Variants in EYS observed in about 807,000 individuals in gnomAD.
The protein encoded by EYS is EGF-like photoreceptor maintenance factor.
Under a neutral mutation model 282.1 loss-of-function variants are expected in EYS, and 250 were observed. The ratio of observed to expected loss-of-function variants is 0.89; its 90% confidence interval spans 0.80 to 0.98. EYS has a LOEUF of 0.98. Among genes scored for constraint, EYS ranks in the 50% least tolerant of loss-of-function variants. The pLI is 0.00. For missense variants in EYS, 4,016 were observed against 3,709.0 expected, an observed-to-expected ratio of 1.08 and a Z score of -2.15; for synonymous variants, 1,355 against 1,282.9, an observed-to-expected ratio of 1.06 and a Z score of -1.20.
chr6:65,618,355 T>G (rs1483802515), intron 2 of EYS, among the ~76,000 whole-genome samples: 4 of 152,266 alleles, frequency 2.6e-5, no homozygotes, highest in African/African-American at 9.6e-5. Context: ...TGTCTTCTTT[T>G]GAGAAGTGTC....
intron 16 of EYS, among the ~76,000 whole-genome samples, chr6:64,910,808 T>C (rs1309546214): frequency 1.3e-5 from 2 of 152,038 alleles, no homozygotes; most frequent in Non-Finnish European, 2.9e-5. Flanking sequence ...AATATCACTA[T>C]ATTTTATAAA....
chr6:65,588,877 A>G (rs1424856088), intron 2 of EYS, among the ~76,000 whole-genome samples: 1 of 143,308 alleles, frequency 7.0e-6, no homozygotes, highest in African/African-American at 2.6e-5. Flanking sequence ...GGATATATAC[A>G]TCAGGCTTTC....
At chr6:65,313,748 C>T (rs999703522) in intron 11 of EYS, among the ~76,000 whole-genome samples, 1 of 152,206 alleles carries the variant, frequency 6.6e-6, no homozygotes, top group East Asian at 1.9e-4. Flanking sequence ...CTTGTAATTG[C>T]CTCCTAACTA....
intron 22 of EYS, among the ~76,000 whole-genome samples, chr6:64,794,213 G>C (rs1346819140): frequency 6.6e-6 from 1 of 152,126 alleles, no homozygotes; most frequent in Admixed American, 6.6e-5. Flanking sequence ...TTGAAATTAG[G>C]ATCTCAAAGA....
intron 2 of EYS, among the ~76,000 whole-genome samples, chr6:65,523,225 T>G (rs2127300067): frequency 6.6e-6 from 1 of 152,210 alleles, no homozygotes; most frequent in African/African-American, 2.4e-5. Context: ...TTCCACAACA[T>G]ATACATACCT....
intron 26 of EYS, among the ~76,000 whole-genome samples, chr6:64,564,314 G>C: frequency 9.4e-6 from 1 of 106,546 alleles, no homozygotes; most frequent in South Asian, 3.3e-4. Flanking sequence ...GTTTCCCTCT[G>C]TCGCCAGGTT....
chr6:64,828,342 T>A (rs75277863), intron 19 of EYS, among the ~76,000 whole-genome samples: 2,602 of 152,004 alleles, frequency 0.017, 75 homozygotes, highest in African/African-American at 0.059. Flanking sequence ...GAGAAATATG[T>A]AAAGAGATAA....
intron 11 of EYS, among the ~76,000 whole-genome samples, chr6:65,320,779 AGTGGCCTTAAACAGGTGGCCTGAAAAAG>A (rs1769453617): frequency 6.6e-6 from 1 of 151,790 alleles, no homozygotes; most frequent in Non-Finnish European, 1.5e-5. Context: ...GCCCTTAACA[AGTGGCCTTAAACAGGTGGCCTGAAAAAG>A]GTGGCCTTAG....
chr6:64,023,478 T>A (rs1166287497), intron 33 of EYS, among the ~76,000 whole-genome samples: 1 of 152,278 alleles, frequency 6.6e-6, no homozygotes. Flanking sequence ...AAATGTACAC[T>A]TATATTTTAC....
rs760240805 is a variant in EYS at position 64,986,026 on chromosome 6, A to G, written c.2259+11556T>C. 7.3e-5 allele frequency among the ~76,000 whole-genome samples: 11 copies of G among 151,606 alleles called. No individual in the cohort carries two copies. The South Asian group carries it at 8.3e-4, about 11-fold the overall frequency. On this transcript the variant is annotated intron_variant, in intron 14 of 42. Transcript: ENST00000503581. ...GTTTACTGAGACCAAGTTTTGATTT[A>G]TCATTATCATATGGAAGAATCTATA...
chr6:65,103,279 G>A (rs918085473), intron 12 of EYS, among the ~76,000 whole-genome samples: 2 of 151,428 alleles, frequency 1.3e-5, no homozygotes, highest in African/African-American at 2.4e-5. Context: ...ACATGCATAA[G>A]TCTTATGCTA....
intron 41 of EYS, chr6:63,744,919 T>C (rs530584577): frequency 2.6e-6 from 1 of 380,460 alleles, no homozygotes; most frequent in African/African-American, 2.2e-5. Context: ...TTTCCAGCAG[T>C]ATAGTAGATT....
intron 22 of EYS, among the ~76,000 whole-genome samples, chr6:64,705,827 T>G (rs1276327534): frequency 3.0e-5 from 2 of 65,712 alleles, no homozygotes; most frequent in Non-Finnish European, 5.6e-5. Flanking sequence ...GGGACTGTTG[T>G]GGGGTGGGAG....
intron 26 of EYS, among the ~76,000 whole-genome samples, chr6:64,465,229 A>C (rs539999075): frequency 1.3e-5 from 2 of 152,200 alleles, no homozygotes; most frequent in South Asian, 4.1e-4. Flanking sequence ...TCAACATCTC[A>C]ATGACATTCT....
chr6:64,193,843 T>A (rs1376004459), intron 31 of EYS, among the ~76,000 whole-genome samples: 1 of 152,214 alleles, frequency 6.6e-6, no homozygotes, highest in Non-Finnish European at 1.5e-5. Flanking sequence ...TCCTTTTTTA[T>A]GGCTGCGTAG....
chr6:63,925,234 TG>T (rs1284480824), intron 35 of EYS, among the ~76,000 whole-genome samples: 2 of 152,106 alleles, frequency 1.3e-5, no homozygotes, highest in African/African-American at 2.4e-5. Context: ...CCATGAAAAA[TG>T]TACATTTCCA....
At chr6:64,837,684 G>GATAT (rs35119556) in intron 19 of EYS, among the ~76,000 whole-genome samples, 2,753 of 141,086 alleles carry the variant, frequency 0.02, 90 homozygotes, top group African/African-American at 0.062. Flanking sequence ...ATATATATAG[G>GATAT]ATATATATAT....
intron 26 of EYS, among the ~76,000 whole-genome samples, chr6:64,574,825 T>C (rs932459936): frequency 9.9e-5 from 15 of 152,160 alleles, no homozygotes; most frequent in African/African-American, 3.1e-4. Context: ...AACGAAGTGT[T>C]TTTCAAGTAT....
chr6:63,908,012 G>GTGTATA lies in EYS; in HGVS notation c.7056-43655_7056-43654insTATACA, dbSNP rs1491193336. On this transcript the variant is annotated intron_variant, in intron 35 of 42. Coordinates refer to ENST00000503581, the MANE Select transcript of EYS (RefSeq NM_001142800.2). ...TACACACACACACACACACACAAAC[G>GTGTATA]TATATATATATATATATATACGTTT... Among the ~76,000 whole-genome samples, 1,078 of 131,152 alleles carry GTGTATA rather than the reference G, an allele frequency of 8.2e-3. 18 individuals are homozygous for GTGTATA. Among genetic ancestry groups the GTGTATA allele is most frequent in the African/African-American group, 0.028 (960 of 34,704 alleles). 86.0% of individuals were successfully genotyped at this position (131,152 alleles called of 152,430 possible). A position where few individuals can be genotyped will look rare whatever the true frequency, so the allele number is the denominator to read the frequency against.
Sources: allele counts gnomAD v4.1 joint callset (sites outside exome capture counted in the v4.1 genomes callset), GRCh38; gene constraint gnomAD v4.1.1; transcripts MANE v1.5; gene names NCBI Gene and HGNC (gene_info 2026-07-23, HGNC 2026-07-21).